Variants in MYH14 observed in about 807,000 individuals in gnomAD.
The protein encoded by MYH14 is myosin-14.
A neutral mutation model predicts 255.5 loss-of-function variants in MYH14; 123 were observed. The ratio of observed to expected loss-of-function variants is 0.48; its 90% confidence interval spans 0.42 to 0.56. MYH14 has a LOEUF of 0.56. MYH14 is among the 20% of genes least tolerant of loss of function. MYH14 has a pLI of 0.00. For synonymous variants in MYH14, 1,095 were observed against 1,161.2 expected (o/e 0.94, Z 1.16); for missense variants, 2,423 against 2,802.3 (o/e 0.86, Z 3.06).
intron 10 of MYH14, among the ~76,000 whole-genome samples, chr19:50,237,130 C>CTTTTTATTGCTGAATAA (rs2033693031): frequency 6.6e-6 from 1 of 152,086 alleles, no homozygotes; most frequent in South Asian, 2.1e-4. Flanking sequence ...GGTTTCCTTC[C>CTTTTTATTGCTGAATAA]TTTTTATTGC....
intron 16 of MYH14, among the ~76,000 whole-genome samples, chr19:50,253,757 C>A (rs1378869151): frequency 6.6e-6 from 1 of 152,014 alleles, no homozygotes; most frequent in East Asian, 1.9e-4. Flanking sequence ...ACTGCCCCTG[C>A]CCCCCCATCC....
At chr19:50,294,833 C>T (rs938604574) in intron 39 of MYH14, among the ~76,000 whole-genome samples, 2 of 151,916 alleles carry the variant, frequency 1.3e-5, no homozygotes, top group East Asian at 1.9e-4. Flanking sequence ...ATGTTTTAAC[C>T]TACTTTAATT....
intron 3 of MYH14, among the ~76,000 whole-genome samples, chr19:50,222,350 G>A (rs1369748515): frequency 6.6e-6 from 1 of 151,790 alleles, no homozygotes; most frequent in Non-Finnish European, 1.5e-5. Flanking sequence ...CGTGGTGGTG[G>A]GCGCCTCTAG....
chr19:50,281,623 G>A lies in MYH14; in HGVS notation c.4320G>A (p.Glu1440=). The A allele has an allele frequency of 6.3e-7, 1 of 1,598,702 alleles. No individual in the cohort carries two copies. Among genetic ancestry groups the A allele is most frequent in the Non-Finnish European group, 8.5e-7 (1 of 1,172,044 alleles). The change falls in exon 33 of 43, where the codon GAG becomes GAA. Residue 1440 remains glutamate (E), a synonymous_variant. Coordinates refer to ENST00000642316, the MANE Select transcript of MYH14 (RefSeq NM_001145809.2). Reference sequence around the variant, plus strand: ...CCGAGTGGCGGCGGCGCCAGGAGGAGGAGGCAGGGGCACTGGAGGCAGGGG... The same window carrying A: ...CCGAGTGGCGGCGGCGCCAGGAGGAAGAGGCAGGGGCACTGGAGGCAGGGG... ...QLSEWRRRQE[E]EAGALEAGEE...
chr19:50,309,641 C>CGCG lies in MYH14; in HGVS notation c.5965_5967dup (p.Gly1989dup). 1 of 1,595,856 alleles carries CGCG rather than the reference C, an allele frequency of 6.3e-7. No individual in the cohort carries two copies. The highest frequency in any genetic ancestry group is 8.5e-7 in the Non-Finnish European group (1 of 1,169,916). ...TATCCTGGTCTCTCCTCCCCACAGA[C>CGCG]GCGGCCCCCTCACCTTCACCACCCG... is the stretch of plus-strand genomic sequence containing the variant. On this transcript the variant is annotated inframe_insertion and splice_region_variant, in exon 43 of 43. Transcript: ENST00000642316.
At chr19:50,277,957 T>G in intron 29 of MYH14, 126 bp from the exon 30 acceptor site, 1 of 633,204 alleles carries the variant, frequency 1.6e-6, no homozygotes, top group South Asian at 5.4e-5. Flanking sequence ...GTGAGCTATT[T>G]GTTCACTGGG....
rs1440404561 is a variant in MYH14, at chr19:50,230,580, C to T, written c.930C>T (p.His310=). The T allele has an allele frequency of 6.4e-7, 1 of 1,570,986 alleles. No individual in the cohort carries two copies. The change falls in exon 9 of 43, where the codon CAC becomes CAT. Residue 310 remains histidine, a synonymous_variant. Coordinates refer to ENST00000642316, the MANE Select transcript of MYH14 (RefSeq NM_001145809.2). The surrounding 1 kb of genome is among the most constrained non-coding windows in gnomAD (Gnocchi z 4.7). ...IRQAKDECSF[H]IFYQLLGGAG... ...AGGCCAAGGACGAGTGCAGCTTCCA[C>T]ATCTTCTACCAGCTGCTGGGGGGCG...
chr19:50,225,672 C>T lies in MYH14; in HGVS notation c.805C>T (p.Arg269Ter), dbSNP rs755126898. Residue 269 changes from arginine (R) to a stop codon, truncating the protein, a stop_gained, in exon 7 of 43, where the codon CGA becomes TGA. Coordinates refer to ENST00000642316, the MANE Select transcript of MYH14 (RefSeq NM_001145809.2). LOFTEE classifies it high-confidence loss of function. ...AKTVKNDNSS[R>*]FGKFIRINFD... ...GACAGTGAAGAATGACAACTCCTCC[C>T]GATTCGTGAGTGCCAGGGGTGGGCA... 3.1e-6 allele frequency: 5 copies of T among 1,613,352 alleles called. No individual in the cohort carries two copies. The highest frequency in any genetic ancestry group is 4.2e-6 in the Non-Finnish European group (5 of 1,179,520).
chr19:50,244,955 C>T (rs759942260), intron 11 of MYH14, among the ~76,000 whole-genome samples: 2 of 152,178 alleles, frequency 1.3e-5, no homozygotes, highest in Non-Finnish European at 2.9e-5. Context: ...TAGCATTTGG[C>T]GTAGCTTCTC....
At position 50,232,358 on chromosome 19, in the gene MYH14, C is replaced by G. The variant is rs144020607; in HGVS notation, c.1114+288C>G. The stretch of plus-strand genomic sequence containing the variant: ...TGTAATCCCAGCACTTTGGGAGTCC[C>G]AGGCAGGTGGATCATTTGAGGTCAG... On this transcript the variant is annotated intron_variant, in intron 10 of 42. Transcript: ENST00000642316. Among the ~76,000 whole-genome samples the G allele has an allele frequency of 0.012, 1,890 of 152,168 alleles. 36 individuals carry two copies. Among genetic ancestry groups the G allele is most frequent in the African/African-American group, 0.043 (1,770 of 41,508 alleles).
chr19:50,237,355 C>T (rs2003117), intron 10 of MYH14, among the ~76,000 whole-genome samples: 31,596 of 149,572 alleles, frequency 0.21, 3,644 homozygotes, highest in Middle Eastern at 0.27. Flanking sequence ...GACAGAGTCT[C>T]GTTCTGTCAC....
chr19:50,281,985 C>G, intron 33 of MYH14, 143 bp downstream of exon 33: 1 of 855,838 alleles, frequency 1.2e-6, no homozygotes. Context: ...CTTCTTTGCT[C>G]TGGGCCTCTG....
intron 11 of MYH14, 56 bp from the exon 12 acceptor site, chr19:50,246,948 G>A: frequency 3.1e-6 from 4 of 1,291,308 alleles, no homozygotes. Flanking sequence ...CTCCCTTGCT[G>A]GGCAGCAAGC....
At chr19:50,234,631 C>T (rs1167969765) in intron 10 of MYH14, among the ~76,000 whole-genome samples, 7 of 151,652 alleles carry the variant, frequency 4.6e-5, no homozygotes. Flanking sequence ...CATGACTCCG[C>T]AGCTGGGCAG....
intron 2 of MYH14, among the ~76,000 whole-genome samples, chr19:50,215,069 G>C (rs943449616): frequency 1.3e-5 from 2 of 152,148 alleles, no homozygotes; most frequent in Middle Eastern, 3.2e-3. Flanking sequence ...AGCCATTCCT[G>C]ACCCTTCCAG....
chr19:50,260,503 G>C, intron 19 of MYH14, 143 bp from the exon 20 acceptor site: 1 of 648,318 alleles, frequency 1.5e-6, no homozygotes, highest in South Asian at 1.8e-5. Flanking sequence ...TGAATGCTCA[G>C]ATGTGAGTTT....
chr19:50,276,932 G>T lies in MYH14; in HGVS notation c.3825+31G>T. On this transcript the variant is annotated intron_variant, in intron 29 of 42. Transcript: ENST00000642316. The surrounding 1 kb of genome is among the most constrained non-coding windows in gnomAD (Gnocchi z 4.3). ...TTGGGGCAGGGGGACAGGGCAGGGG[G>T]GCCACGGGGAGGGCAGGGCAGGACG... 1.3e-6 allele frequency: 2 copies of T among 1,503,106 alleles called. No individual in the cohort carries two copies. The highest frequency in any genetic ancestry group is 1.8e-6 in the Non-Finnish European group (2 of 1,099,598). The allele number at this position is 1,503,106 out of a possible 1,614,324, so 93.1% of individuals were successfully genotyped here. A position where few individuals can be genotyped will look rare whatever the true frequency, so the allele number is the denominator to read the frequency against.
intron 1 of MYH14, among the ~76,000 whole-genome samples, chr19:50,206,988 G>T (rs1334700665): frequency 6.9e-6 from 1 of 145,030 alleles, no homozygotes; most frequent in East Asian, 2.1e-4. Flanking sequence ...CAAAGCAGGA[G>T]GATCACTTGA....
chr19:50,308,669 T>G, intron 41 of MYH14: 1 of 293,884 alleles, frequency 3.4e-6, no homozygotes, highest in East Asian at 6.0e-5. Context: ...AAAGACCCTG[T>G]GGGGCCTGGA....
Sources: gnomAD v4.1 joint callset for allele counts (sites outside exome capture counted in the v4.1 genomes callset) on GRCh38, gnomAD v4.1.1 for gene constraint, Gnocchi (gnomAD v3.1) non-coding constraint, MANE v1.5 for transcripts, NCBI Gene and HGNC (gene_info 2026-07-23, HGNC 2026-07-21) for gene names.